Variants in GTF2H4 observed in about 807,000 individuals in gnomAD.
GTF2H4 encodes the protein BTF2 p52.
Under a neutral mutation model 62.2 loss-of-function variants are expected in GTF2H4, and 49 were observed. The observed-to-expected ratio is 0.79, with a 90% CI of 0.63 to 1.00. GTF2H4 has a LOEUF of 1.00. Among genes scored for constraint, GTF2H4 ranks in the 50% least tolerant of loss-of-function variants. The pLI, the probability that GTF2H4 is intolerant of heterozygous loss-of-function variation, is 0.00. For synonymous variants in GTF2H4, 189 were observed against 233.8 expected (o/e 0.81, Z 1.75); for missense variants, 479 against 587.8 (o/e 0.81, Z 1.91).
chr6:30,909,253 C>G lies in GTF2H4; in HGVS notation c.137+80C>G. 1 of 1,498,136 alleles carries G rather than the reference C, an allele frequency of 6.7e-7. No individual in the cohort carries two copies. The highest frequency in any genetic ancestry group is 9.0e-7 in the Non-Finnish European group (1 of 1,113,714). 92.8% of individuals were successfully genotyped at this position (1,498,136 alleles called of 1,614,324 possible). Reference sequence around the variant, plus strand: ...AATATCATAGGTAAAAGTGTAGCAGCCTGGAGTCGGGGTGGGGACTGGGGG... The same window carrying G: ...AATATCATAGGTAAAAGTGTAGCAGGCTGGAGTCGGGGTGGGGACTGGGGG... On this transcript the variant is annotated intron_variant, in intron 2 of 13. Transcript: ENST00000259895. The surrounding 1 kb of genome is among the most constrained non-coding windows in gnomAD (Gnocchi z 4.3).
Position 30,910,880 on chromosome 6 carries a change from C to G in GTF2H4, c.499C>G (p.Pro167Ala), listed in dbSNP as rs61733214. ...EVVLHFMVGS[P>A]SAAVSQDLAQ... Reference sequence around the variant, plus strand: ...GGTCTTGCACTTCATGGTGGGCTCCCCCAGTGCAGCTGTCAGCCAGGACTT... The same window carrying G: ...GGTCTTGCACTTCATGGTGGGCTCCGCCAGTGCAGCTGTCAGCCAGGACTT... The change falls in exon 6 of 14, where the codon CCC (proline) becomes GCC (alanine). Residue 167 changes from proline to alanine, a missense_variant. Transcript: ENST00000259895. This position sits in a 1 kb window ranked among gnomAD's most constrained non-coding sequence, Gnocchi z 4.7. 1 of 1,612,186 alleles carries G rather than the reference C, an allele frequency of 6.2e-7. No individual in the cohort carries two copies. The highest frequency in any genetic ancestry group is 1.3e-5 in the African/African-American group (1 of 74,872).
Position 30,909,059 on chromosome 6 carries a change from G to T in GTF2H4, c.23G>T (p.Gly8Val). Residue 8 changes from glycine to valine, a missense_variant, in exon 2 of 14, where the codon GGA becomes GTA. Coordinates refer to ENST00000259895, the MANE Select transcript of GTF2H4 (RefSeq NM_001517.5). The surrounding 1 kb of genome is among the most constrained non-coding windows in gnomAD (Gnocchi z 4.3). ...GTGATGGAGAGCACCCCTTCAAGGG[G>T]ACTGAACCGAGTACACCTACAATGC... MESTPSR[G>V]LNRVHLQCRN... 6.2e-7 allele frequency: 1 copy of T among 1,614,180 alleles called. No homozygotes were observed. Among genetic ancestry groups the T allele is most frequent in the Non-Finnish European group, 8.5e-7 (1 of 1,180,044 alleles).
chr6:30,909,344 G>A lies in GTF2H4; in HGVS notation c.138-91G>A, dbSNP rs937489495. The A allele has an allele frequency of 1.6e-6, 2 of 1,221,858 alleles. No individual in the cohort carries two copies. The highest frequency in any genetic ancestry group is 1.9e-5 in the Admixed American group (1 of 51,856). 75.7% of individuals were successfully genotyped at this position (1,221,858 alleles called of 1,614,324 possible). On this transcript the variant is annotated intron_variant, in intron 2 of 13. Coordinates refer to ENST00000259895, the MANE Select transcript of GTF2H4 (RefSeq NM_001517.5). The surrounding 1 kb of genome is among the most constrained non-coding windows in gnomAD (Gnocchi z 4.3). ...GCAGGACTGGTAAAGTTGTGCTGGAGTGAGATGAGATGTTTGAGAGGTAAT... is the reference window on the plus strand; with the variant it reads ...GCAGGACTGGTAAAGTTGTGCTGGAATGAGATGAGATGTTTGAGAGGTAAT...
In GTF2H4 at chr6:30,909,279, C is replaced by A; in HGVS notation, c.137+106C>A. On this transcript the variant is annotated intron_variant, in intron 2 of 13. Coordinates refer to ENST00000259895, the MANE Select transcript of GTF2H4 (RefSeq NM_001517.5). The surrounding 1 kb of genome is among the most constrained non-coding windows in gnomAD (Gnocchi z 4.3). ...CTGGAGTCGGGGTGGGGACTGGGGG[C>A]AAGGGTTGGAAATTGCTCTAAAGTG... The A allele has an allele frequency of 2.2e-6, 3 of 1,393,156 alleles. No individual in the cohort carries two copies. Among genetic ancestry groups the A allele is most frequent in the South Asian group, 2.7e-5 (2 of 73,428 alleles). The allele number at this position is 1,393,156 out of a possible 1,614,324, so 86.3% of individuals were successfully genotyped here.
In GTF2H4 at chr6:30,911,369, C is replaced by A; in HGVS notation, c.673-62C>A. The A allele has an allele frequency of 6.5e-7, 1 of 1,539,934 alleles. No individual in the cohort carries two copies. The highest frequency in any genetic ancestry group is 9.0e-7 in the Non-Finnish European group (1 of 1,113,760). ...TGTTCCCTGATTTTCTCTTCTCTGT[C>A]CCTTTCTTCCCATTGTCTCCCTCCC... On this transcript the variant is annotated intron_variant, in intron 7 of 13. Coordinates refer to ENST00000259895, the MANE Select transcript of GTF2H4 (RefSeq NM_001517.5). The surrounding 1 kb of genome is among the most constrained non-coding windows in gnomAD (Gnocchi z 4.3).
At position 30,912,097 on chromosome 6, in the gene GTF2H4, G is replaced by A; in HGVS notation, c.909G>A (p.Gln303=). The change falls in exon 10 of 14, where the codon CAG becomes CAA. Residue 303 remains glutamine, a synonymous_variant. Coordinates refer to ENST00000259895, the MANE Select transcript of GTF2H4 (RefSeq NM_001517.5). This position sits in a 1 kb window ranked among gnomAD's most constrained non-coding sequence, Gnocchi z 4.8. ...GVSGAGGTVH[Q]PGFIVVETNY... ...CTGGAGCTGGGGGCACTGTGCATCA[G>A]CCAGGTTTCATTGTCGTGGAAACCA... 3 of 1,613,032 alleles carry A rather than the reference G, an allele frequency of 1.9e-6. No homozygotes were observed. Among genetic ancestry groups the A allele is most frequent in the Non-Finnish European group, 2.5e-6 (3 of 1,180,030 alleles).
chr6:30,910,141 G>C lies in GTF2H4; in HGVS notation c.374+78G>C. 6.6e-7 allele frequency: 1 copy of C among 1,514,942 alleles called. No individual in the cohort carries two copies. The highest frequency in any genetic ancestry group is 1.4e-5 in the African/African-American group (1 of 72,678). 93.8% of individuals were successfully genotyped at this position (1,514,942 alleles called of 1,614,324 possible). A position where few individuals can be genotyped will look rare whatever the true frequency, so the allele number is the denominator to read the frequency against. ...AAACCACTAATTAAACTTTGGGAGG[G>C]GGAGCTCCTGGGGGCCTCCCCAGAA... On this transcript the variant is annotated intron_variant, in intron 4 of 13. Transcript: ENST00000259895. The surrounding 1 kb of genome is among the most constrained non-coding windows in gnomAD (Gnocchi z 4.7).
At position 30,913,975 on chromosome 6, in the gene GTF2H4, A is replaced by C; in HGVS notation, c.1381A>C (p.Ser461Arg). The C allele has an allele frequency of 6.3e-7, 1 of 1,590,436 alleles. No individual in the cohort carries two copies. Among genetic ancestry groups the C allele is most frequent in the Non-Finnish European group, 8.6e-7 (1 of 1,167,788 alleles). The change falls in exon 14 of 14, where the codon AGC becomes CGC. Residue 461 changes from serine (S) to arginine (R), a missense_variant. Coordinates refer to ENST00000259895, the MANE Select transcript of GTF2H4 (RefSeq NM_001517.5). This position sits in a 1 kb window ranked among gnomAD's most constrained non-coding sequence, Gnocchi z 4.2. ...GCGCTTTTGGAAGCGGCAGAAACAT[A>C]GCTCCTGAGAGCGCGGGACTTGGAC... is the stretch of plus-strand genomic sequence containing the variant. The part of the protein sequence containing the change: ...VKRFWKRQKH[S>R]S
In GTF2H4 at chr6:30,912,018, A is replaced by T. The variant is rs755322409; in HGVS notation, c.830A>T (p.Lys277Ile). 3 of 1,612,640 alleles carry T rather than the reference A, an allele frequency of 1.9e-6. No individual in the cohort carries two copies. The highest frequency in any genetic ancestry group is 2.5e-6 in the Non-Finnish European group (3 of 1,179,906). ...CTGCCTTTCTATTCTTTTCAGAGGA[A>T]ATCTCGGCGTTACTACCCCACACGC... is the stretch of plus-strand genomic sequence containing the variant. ...EFGLVFQRKR[K>I]SRRYYPTRLA... The change falls in exon 10 of 14, where the codon AAA (lysine) becomes ATA (isoleucine). Residue 277 changes from lysine (K) to isoleucine (I), a missense_variant. By Grantham distance (102) the Lys-to-Ile change is moderately radical. Transcript: ENST00000259895. This position sits in a 1 kb window ranked among gnomAD's most constrained non-coding sequence, Gnocchi z 4.8.
chr6:30,911,349 C>G lies in GTF2H4; in HGVS notation c.672+80C>G. 1 of 1,527,970 alleles carries G rather than the reference C, an allele frequency of 6.5e-7. No homozygotes were observed. The highest frequency in any genetic ancestry group is 9.1e-7 in the Non-Finnish European group (1 of 1,103,448). 94.7% of individuals were successfully genotyped at this position (1,527,970 alleles called of 1,614,324 possible). ...AGAGACTCCTGCCTACAGACTGTTC[C>G]CTGATTTTCTCTTCTCTGTCCCTTT... On this transcript the variant is annotated intron_variant, in intron 7 of 13. Coordinates refer to ENST00000259895, the MANE Select transcript of GTF2H4 (RefSeq NM_001517.5). The surrounding 1 kb of genome is among the most constrained non-coding windows in gnomAD (Gnocchi z 4.3).
In GTF2H4 at chr6:30,913,968, G is replaced by A; in HGVS notation, c.1374G>A (p.Gln458=). 6.3e-7 allele frequency: 1 copy of A among 1,590,542 alleles called. No individual in the cohort carries two copies. The highest frequency in any genetic ancestry group is 8.6e-7 in the Non-Finnish European group (1 of 1,168,354). The change falls in exon 14 of 14, where the codon CAG becomes CAA. Residue 458 remains glutamine, a synonymous_variant. Transcript: ENST00000259895. This position sits in a 1 kb window ranked among gnomAD's most constrained non-coding sequence, Gnocchi z 4.2. ...HSDVKRFWKR[Q]KHSS Reference sequence around the variant, plus strand: ...ACGTCAAGCGCTTTTGGAAGCGGCAGAAACATAGCTCCTGAGAGCGCGGGA... The same window carrying A: ...ACGTCAAGCGCTTTTGGAAGCGGCAAAAACATAGCTCCTGAGAGCGCGGGA...
rs1475947733 is a variant in GTF2H4, at chr6:30,910,446, C to T, written c.375-219C>T. 2 of 606,240 alleles carry T rather than the reference C, an allele frequency of 3.3e-6. No homozygotes were observed. The highest frequency in any genetic ancestry group is 5.9e-6 in the Non-Finnish European group (2 of 337,154). 37.6% of individuals were successfully genotyped at this position (606,240 alleles called of 1,614,324 possible). ...CTGGGTTCAAGTGATTCTCCTGCCTCAGCCTCCTGAGTAGCTGGGATTACA... is the reference window on the plus strand; with the variant it reads ...CTGGGTTCAAGTGATTCTCCTGCCTTAGCCTCCTGAGTAGCTGGGATTACA... On this transcript the variant is annotated intron_variant, in intron 4 of 13. Transcript: ENST00000259895. The surrounding 1 kb of genome is among the most constrained non-coding windows in gnomAD (Gnocchi z 4.7).
chr6:30,913,714 AGGGCTGCCACCAAG>A lies in GTF2H4; in HGVS notation c.1217-95_1217-82del, dbSNP rs1793918965. The A allele has an allele frequency of 2.1e-5, 25 of 1,210,732 alleles. No homozygotes were observed. The highest frequency in any genetic ancestry group is 2.9e-5 in the Admixed American group (1 of 33,918). The allele number at this position is 1,210,732 out of a possible 1,614,324, so 75.0% of individuals were successfully genotyped here. On this transcript the variant is annotated intron_variant, in intron 13 of 13. Transcript: ENST00000259895. The surrounding 1 kb of genome is among the most constrained non-coding windows in gnomAD (Gnocchi z 4.2). ...GTGGGGGCAAGCCCAGACCGCGTCC[AGGGCTGCCACCAAG>A]GAGCTGGGGGGATTCCCAATAGGAG...
rs1436839340 is a variant in GTF2H4 at position 30,911,890 on chromosome 6, GTC to G, written c.826-119_826-118del. ...GCAGTTGCCAGAACTGAATACTTGG[GTC>G]TCTCGGGGGAGAGAAGTTGGGGGTT... On this transcript the variant is annotated intron_variant, in intron 9 of 13. Transcript: ENST00000259895. The surrounding 1 kb of genome is among the most constrained non-coding windows in gnomAD (Gnocchi z 4.3). The G allele has an allele frequency of 9.3e-6, 13 of 1,402,946 alleles. No homozygotes were observed. The African/African-American group carries it at 1.7e-4, about 18-fold the overall frequency. The allele number at this position is 1,402,946 out of a possible 1,614,324, so 86.9% of individuals were successfully genotyped here.
In GTF2H4 at chr6:30,911,932, T is replaced by C; in HGVS notation, c.826-82T>C. On this transcript the variant is annotated intron_variant, in intron 9 of 13. Coordinates refer to ENST00000259895, the MANE Select transcript of GTF2H4 (RefSeq NM_001517.5). The surrounding 1 kb of genome is among the most constrained non-coding windows in gnomAD (Gnocchi z 4.3). ...AGTTGGGGGTTGAGGTTCTGCATCT[T>C]GGGAGGGATCTGATATTTCAGGCAG... is the stretch of plus-strand genomic sequence containing the variant. The C allele has an allele frequency of 6.5e-7, 1 of 1,539,214 alleles. No individual in the cohort carries two copies. The highest frequency in any genetic ancestry group is 8.9e-7 in the Non-Finnish European group (1 of 1,126,272).
Position 30,910,841 on chromosome 6 carries a change from T to A in GTF2H4, c.472-12T>A, listed in dbSNP as rs1318603766. ...TTGGGGCATGGTCTCCCTGTTCTCT[T>A]CTGTTCTTCAGGTGGTCTTGCACTT... On this transcript the variant is annotated splice_polypyrimidine_tract_variant and intron_variant, in intron 5 of 13. Coordinates refer to ENST00000259895, the MANE Select transcript of GTF2H4 (RefSeq NM_001517.5). The surrounding 1 kb of genome is among the most constrained non-coding windows in gnomAD (Gnocchi z 4.7). The A allele has an allele frequency of 6.2e-7, 1 of 1,611,738 alleles. No homozygotes were observed.
chr6:30,910,405 C>T lies in GTF2H4; in HGVS notation c.375-260C>T, dbSNP rs186946260. ...AGTGCAGTGGTGTAATCTTGACTCACGGCAGCCTCTACCTCCTGGGTTCAA... is the reference window on the plus strand; with the variant it reads ...AGTGCAGTGGTGTAATCTTGACTCATGGCAGCCTCTACCTCCTGGGTTCAA... On this transcript the variant is annotated intron_variant, in intron 4 of 13. Coordinates refer to ENST00000259895, the MANE Select transcript of GTF2H4 (RefSeq NM_001517.5). The surrounding 1 kb of genome is among the most constrained non-coding windows in gnomAD (Gnocchi z 4.7). Among the ~76,000 whole-genome samples the T allele has an allele frequency of 1.2e-3, 185 of 152,232 alleles. 1 individual carries two copies. The highest frequency in any genetic ancestry group is 4.2e-3 in the African/African-American group (175 of 41,540).
rs751169779 is a variant in GTF2H4, at chr6:30,913,413, T to G, written c.1216+26T>G. The G allele has an allele frequency of 6.2e-7, 1 of 1,609,158 alleles. No homozygotes were observed. The highest frequency in any genetic ancestry group is 1.1e-5 in the South Asian group (1 of 90,520). On this transcript the variant is annotated intron_variant, in intron 13 of 13. Transcript: ENST00000259895. The surrounding 1 kb of genome is among the most constrained non-coding windows in gnomAD (Gnocchi z 4.2). ...GTGAGTAGCTTCTGGTGGCCAAGTCTTGGTCATTGGCCAGAGAAAGGGCAG... is the reference window on the plus strand; with the variant it reads ...GTGAGTAGCTTCTGGTGGCCAAGTCGTGGTCATTGGCCAGAGAAAGGGCAG...
chr6:30,912,963 A>C lies in GTF2H4; in HGVS notation c.1090-147A>C. The stretch of plus-strand genomic sequence containing the variant: ...GTTGCTGGGAGCAGCAACGTGGGAT[A>C]ACAGCTGAACTGGGATGGGTGGAGT... On this transcript the variant is annotated intron_variant, in intron 11 of 13. Transcript: ENST00000259895. The surrounding 1 kb of genome is among the most constrained non-coding windows in gnomAD (Gnocchi z 4.8). The C allele has an allele frequency of 1.5e-6, 1 of 682,166 alleles. No homozygotes were observed. The highest frequency in any genetic ancestry group is 2.1e-5 in the South Asian group (1 of 48,420). 42.3% of individuals were successfully genotyped at this position (682,166 alleles called of 1,614,324 possible).
Sources: allele counts gnomAD v4.1 joint callset (sites outside exome capture counted in the v4.1 genomes callset), GRCh38; gene constraint gnomAD v4.1.1; non-coding constraint Gnocchi (gnomAD v3.1); transcripts MANE v1.5; gene names NCBI Gene and HGNC (gene_info 2026-07-23, HGNC 2026-07-21).